Variants in SCNN1B observed in about 807,000 individuals in gnomAD.
SCNN1B encodes sodium channel epithelial 1 subunit beta, also known as epithelial sodium channel subunit beta.
Under a neutral mutation model 65.3 loss-of-function variants are expected in SCNN1B, and 46 were observed. That is an observed-to-expected ratio of 0.70 (90% CI 0.56 to 0.90). The LOEUF (loss-of-function observed/expected upper bound fraction) is 0.90, where lower values mean the gene tolerates loss of function less well. Among genes scored for constraint, SCNN1B ranks in the 40% least tolerant of loss-of-function variants. The pLI is 0.00. For synonymous variants in SCNN1B, 349 were observed against 330.6 expected, an observed-to-expected ratio of 1.06 and a Z score of -0.60; for missense variants, 751 against 830.5, an observed-to-expected ratio of 0.90 and a Z score of 1.18.
At chr16:23,336,524 A>G (rs1294304921) in intron 1 of SCNN1B, among the ~76,000 whole-genome samples, 5 of 152,130 alleles carry the variant, frequency 3.3e-5, no homozygotes, top group African/African-American at 7.2e-5. Flanking sequence ...GATGCGTGCC[A>G]CCATGCCCAG....
intron 6 of SCNN1B, 98 bp downstream of exon 6, chr16:23,371,560 C>T: frequency 7.8e-7 from 1 of 1,286,804 alleles, no homozygotes; most frequent in Non-Finnish European, 1.1e-6. Flanking sequence ...GGGATCTGGG[C>T]CCCCCAGCCC....
intron 1 of SCNN1B, among the ~76,000 whole-genome samples, chr16:23,282,232 T>G (rs1960794249): frequency 6.6e-6 from 1 of 152,080 alleles, no homozygotes; most frequent in African/African-American, 2.4e-5. Flanking sequence ...AATAGAAAAT[T>G]TAATTTCAAT....
At chr16:23,279,639 C>A (rs1309197094) in intron 1 of SCNN1B, among the ~76,000 whole-genome samples, 2 of 152,198 alleles carry the variant, frequency 1.3e-5, no homozygotes, top group Non-Finnish European at 2.9e-5. Context: ...TAATTTTCTG[C>A]TTCTTTTTTG....
chr16:23,373,986 G>A (rs1052082541), intron 7 of SCNN1B, among the ~76,000 whole-genome samples: 12 of 152,138 alleles, frequency 7.9e-5, no homozygotes. Context: ...GGCCCTGATC[G>A]GGAGCTCTGC....
intron 1 of SCNN1B, among the ~76,000 whole-genome samples, chr16:23,308,705 G>C (rs1474326346): frequency 1.3e-5 from 2 of 152,138 alleles, no homozygotes; most frequent in East Asian, 3.8e-4. Context: ...CACGAACTTG[G>C]CTCACTGCAA....
intron 1 of SCNN1B, among the ~76,000 whole-genome samples, chr16:23,282,501 T>C (rs1343966591): frequency 6.6e-6 from 1 of 152,214 alleles, no homozygotes; most frequent in Non-Finnish European, 1.5e-5. Context: ...AATCTATGAA[T>C]ACTCCTCCTT....
At chr16:23,287,561 A>T (rs1367449093) in intron 2 of SCNN1B, among the ~76,000 whole-genome samples, 1 of 152,016 alleles carries the variant, frequency 6.6e-6, no homozygotes, top group Non-Finnish European at 1.5e-5. Context: ...ACAGTAAAAA[A>T]TAATACTACA....
rs141311397 is a variant in SCNN1B, at chr16:23,363,171, C to T, written c.777-4685C>T. On this transcript the variant is annotated intron_variant, in intron 4 of 12. Coordinates refer to ENST00000343070, the MANE Select transcript of SCNN1B (RefSeq NM_000336.3). ...TTGTAATTTATTCATCAAATATTTA[C>T]TGAGTGTCTGTGTGCTCTGTACCAG... 3.3e-5 allele frequency among the ~76,000 whole-genome samples: 5 copies of T among 152,316 alleles called. No homozygotes were observed. The East Asian group carries it at 7.7e-4, about 23-fold the overall frequency.
chr16:23,328,742 G>A (rs1961747694), intron 1 of SCNN1B, among the ~76,000 whole-genome samples: 1 of 152,182 alleles, frequency 6.6e-6, no homozygotes, highest in Non-Finnish European at 1.5e-5. Context: ...TGAATCGTGG[G>A]TGGTGGTTTC....
chr16:23,373,920 A>G (rs562861171), intron 7 of SCNN1B, among the ~76,000 whole-genome samples: 1 of 152,280 alleles, frequency 6.6e-6, no homozygotes, highest in South Asian at 2.1e-4. Flanking sequence ...GGAAAACTGC[A>G]TCTCTCGTTT....
At chr16:23,286,911 A>G (rs1288202615) in intron 2 of SCNN1B, among the ~76,000 whole-genome samples, 1 of 152,018 alleles carries the variant, frequency 6.6e-6, no homozygotes, top group Non-Finnish European at 1.5e-5. Flanking sequence ...GGCAACACAG[A>G]AAGAGCCCGT....
chr16:23,380,633 C>T lies in SCNN1B; in HGVS notation c.1755C>T (p.His585=), dbSNP rs1322825694. 15 of 1,613,508 alleles carry T rather than the reference C, an allele frequency of 9.3e-6. No individual in the cohort carries two copies. Among genetic ancestry groups the T allele is most frequent in the Non-Finnish European group, 1.2e-5 (14 of 1,179,794 alleles). ...PPTVAELVEA[H]TNFGFQPDTA... ...CCGTGGCCGAGCTGGTGGAGGCCCA[C>T]ACCAACTTTGGCTTCCAGCCTGACA... The change falls in exon 13 of 13, where the codon CAC becomes CAT. Residue 585 remains histidine, a synonymous_variant. Coordinates refer to ENST00000343070, the MANE Select transcript of SCNN1B (RefSeq NM_000336.3). This position sits in a 1 kb window ranked among gnomAD's most constrained non-coding sequence, Gnocchi z 5.4.
In SCNN1B at chr16:23,348,514, G is replaced by A. The variant is rs913778224; in HGVS notation, c.-8-78G>A. ...AAGAACGGGGACGTACCGCCGCCCA[G>A]TTCCTGGACGTGACTGGGACATCCT... On this transcript the variant is annotated intron_variant, in intron 1 of 12. Transcript: ENST00000343070. This position sits in a 1 kb window ranked among gnomAD's most constrained non-coding sequence, Gnocchi z 4.5. The A allele has an allele frequency of 2.1e-6, 3 of 1,448,472 alleles. No homozygotes were observed. The highest frequency in any genetic ancestry group is 2.8e-5 in the African/African-American group (2 of 71,602). The allele number at this position is 1,448,472 out of a possible 1,614,324, so 89.7% of individuals were successfully genotyped here. A position where few individuals can be genotyped will look rare whatever the true frequency, so the allele number is the denominator to read the frequency against.
chr16:23,300,300 C>G (rs897927751), upstream of SCNN1B, among the ~76,000 whole-genome samples: 3 of 151,864 alleles, frequency 2.0e-5, no homozygotes, highest in Admixed American at 1.3e-4. Flanking sequence ...TGTAACAAAC[C>G]TGCACGTTCT....
At chr16:23,376,258 G>A (rs1226880707) in intron 8 of SCNN1B, among the ~76,000 whole-genome samples, 1 of 152,156 alleles carries the variant, frequency 6.6e-6, no homozygotes, top group Non-Finnish European at 1.5e-5. Context: ...GGAGCTGTTC[G>A]TGACTGCAGT....
intron 1 of SCNN1B, among the ~76,000 whole-genome samples, chr16:23,338,920 T>A (rs1368663983): frequency 1.3e-5 from 2 of 152,208 alleles, no homozygotes; most frequent in Non-Finnish European, 2.9e-5. Flanking sequence ...TTGAAGCATA[T>A]TGTTTGATGA....
chr16:23,282,025 C>T (rs1960791236), intron 1 of SCNN1B, among the ~76,000 whole-genome samples: 1 of 151,972 alleles, frequency 6.6e-6, no homozygotes, highest in Non-Finnish European at 1.5e-5. Flanking sequence ...AACTCCGTCT[C>T]TACAGAAAAA....
rs72654338 is a variant in SCNN1B at position 23,367,959 on chromosome 16, G to A, written c.880G>A (p.Gly294Ser). 118 of 1,609,716 alleles carry A rather than the reference G, an allele frequency of 7.3e-5. No homozygotes were observed. Among genetic ancestry groups the A allele is most frequent in the Non-Finnish European group, 7.3e-5 (86 of 1,176,126 alleles). The change falls in exon 5 of 13, where the codon GGC (glycine) becomes AGC (serine). Residue 294 changes from glycine to serine, a missense_variant and splice_region_variant. By Grantham distance (56) the Gly-to-Ser change is moderately conservative. Transcript: ENST00000343070. ...TTCGGCCAACCCTGGAACTGAATTC[G>A]GTGAGTTTTGGTTTATCGTGGGGCC... is the stretch of plus-strand genomic sequence containing the variant. ...LPSANPGTEF[G>S]LKLILDIGQE...
At chr16:23,312,269 T>G (rs906759164) in intron 1 of SCNN1B, among the ~76,000 whole-genome samples, 9 of 152,152 alleles carry the variant, frequency 5.9e-5, no homozygotes, top group Non-Finnish European at 8.8e-5. Context: ...CTCGCCTGGC[T>G]CCTTAAAGCA....
Sources: allele counts gnomAD v4.1 joint callset (sites outside exome capture counted in the v4.1 genomes callset), GRCh38; gene constraint gnomAD v4.1.1; non-coding constraint Gnocchi (gnomAD v3.1); transcripts MANE v1.5; gene names NCBI Gene and HGNC (gene_info 2026-07-23, HGNC 2026-07-21).